Variants in CDH7 observed in about 807,000 individuals in gnomAD.
The protein encoded by CDH7 is cadherin-7.
A neutral mutation model predicts 71.8 loss-of-function variants in CDH7; 25 were observed. The observed-to-expected ratio is 0.35, with a 90% CI of 0.25 to 0.49. The LOEUF (loss-of-function observed/expected upper bound fraction) is 0.49. Among genes scored for constraint, CDH7 ranks in the 20% least tolerant of loss-of-function variants. The pLI, the probability that CDH7 is intolerant of heterozygous loss-of-function variation, is 0.99. For synonymous variants in CDH7, 381 were observed against 363.8 expected (o/e 1.05, Z -0.54); for missense variants, 862 against 974.6 (o/e 0.88, Z 1.54).
chr18:65,866,418 A>G (rs2144046450), intron 11 of CDH7: 1 of 150,564 alleles, frequency 6.6e-6, no homozygotes, highest in East Asian at 1.9e-4. Flanking sequence ...CTACATGTTA[A>G]GTTTGTGTTC....
At chr18:65,805,913 TA>T (rs35636765) in intron 2 of CDH7, among the ~76,000 whole-genome samples, 91,708 of 151,178 alleles carry the variant, frequency 0.61, 29,356 homozygotes, top group East Asian at 0.96. Flanking sequence ...TTATTAAAAT[TA>T]AAAAAAAAAT....
At chr18:65,768,933 C>G (rs577192232) in intron 2 of CDH7, among the ~76,000 whole-genome samples, 29 of 151,934 alleles carry the variant, frequency 1.9e-4, no homozygotes, top group African/African-American at 6.8e-4. Flanking sequence ...TTCTTCTTTT[C>G]TCTCTCCTTT....
At position 65,781,767 on chromosome 18, in the gene CDH7, T is replaced by TTTCTTTCCTTCC. The variant is rs1568181229; in HGVS notation, c.210+18718_210+18719insTTTCCTTCCTTC. Among the ~76,000 whole-genome samples the TTTCTTTCCTTCC allele has an allele frequency of 8.5e-3, 643 of 75,268 alleles. 15 individuals carry two copies. Among genetic ancestry groups the TTTCTTTCCTTCC allele is most frequent in the Non-Finnish European group, 0.012 (445 of 38,242 alleles). The allele number at this position is 75,268 out of a possible 152,430, so 49.4% of individuals were successfully genotyped here. A position where few individuals can be genotyped will look rare whatever the true frequency, so the allele number is the denominator to read the frequency against. On this transcript the variant is annotated intron_variant, in intron 2 of 11. Transcript: ENST00000397968. ...ATTGGTTGATTTCTTTCTTTCTTTC[T>TTTCTTTCCTTCC]TTCCTTCCTTCCTTCCTTCCTTCCT...
chr18:65,807,645 G>A (rs1911373067), intron 2 of CDH7, among the ~76,000 whole-genome samples: 1 of 152,242 alleles, frequency 6.6e-6, no homozygotes, highest in Admixed American at 6.5e-5. Context: ...GCAGCACTGA[G>A]CGTTAAGCGG....
At chr18:65,834,234 A>C (rs532012068) in intron 6 of CDH7, among the ~76,000 whole-genome samples, 7 of 152,272 alleles carry the variant, frequency 4.6e-5, no homozygotes, top group Admixed American at 1.3e-4. Context: ...TTGAGAATGG[A>C]ATGGAGATGT....
intron 6 of CDH7, 25 bp downstream of exon 6, chr18:65,824,856 T>C (rs764162494): frequency 1.3e-6 from 2 of 1,501,338 alleles, no homozygotes; most frequent in South Asian, 2.5e-5. Flanking sequence ...ATTTATCTTT[T>C]ATCACAGATT....
At chr18:65,857,664 T>G in intron 7 of CDH7, 152 bp from the exon 8 acceptor site, 9 of 692,500 alleles carry the variant, frequency 1.3e-5, no homozygotes, top group East Asian at 2.8e-5. Context: ...GTGGGGAGAG[T>G]TTTAAACCAG....
chr18:65,789,617 A>G (rs1436199332), intron 2 of CDH7, among the ~76,000 whole-genome samples: 1 of 152,112 alleles, frequency 6.6e-6, no homozygotes, highest in African/African-American at 2.4e-5. Flanking sequence ...AGTCGGTGAG[A>G]GTTTATTCCA....
chr18:65,844,320 C>A (rs1485106014), intron 7 of CDH7, among the ~76,000 whole-genome samples: 1 of 151,636 alleles, frequency 6.6e-6, no homozygotes, highest in Non-Finnish European at 1.5e-5. Context: ...CAAGCCATAG[C>A]TGATGTTTCT....
intron 4 of CDH7, among the ~76,000 whole-genome samples, chr18:65,816,282 C>T (rs780464379): frequency 2.0e-5 from 3 of 151,812 alleles, no homozygotes; most frequent in African/African-American, 4.8e-5. Flanking sequence ...TCTTTGTCCT[C>T]TCTGCTAATT....
intron 1 of CDH7, among the ~76,000 whole-genome samples, chr18:65,754,204 C>T (rs1229722916): frequency 6.6e-6 from 1 of 152,074 alleles, no homozygotes; most frequent in Non-Finnish European, 1.5e-5. Flanking sequence ...TTCATTTCAC[C>T]CATGGCAGAA....
At position 65,882,251 on chromosome 18, in the gene CDH7, A is replaced by C. The variant is rs2144076980; in HGVS notation, c.*1357A>C. On this transcript the variant is annotated 3_prime_UTR_variant, in exon 12 of 12. Transcript: ENST00000397968. ...GGCAATTGCAAGTCATCATGTGTTT[A>C]AGTTTGAGTTGAGCTTGTTAGAGTA... 6.6e-6 allele frequency: 1 copy of C among 152,284 alleles called. No homozygotes were observed. The highest frequency in any genetic ancestry group is 2.4e-5 in the African/African-American group (1 of 41,568). 9.4% of individuals were successfully genotyped at this position (152,284 alleles called of 1,614,324 possible).
At chr18:65,840,642 T>C (rs1912697312) in intron 6 of CDH7, among the ~76,000 whole-genome samples, 1 of 152,140 alleles carries the variant, frequency 6.6e-6, no homozygotes, top group South Asian at 2.1e-4. Context: ...GGAGTTTCAC[T>C]GCACAAGCTC....
intron 5 of CDH7, among the ~76,000 whole-genome samples, chr18:65,823,339 T>A (rs1380084247): frequency 6.6e-6 from 1 of 151,922 alleles, no homozygotes; most frequent in Non-Finnish European, 1.5e-5. Context: ...ACTTTTAGAA[T>A]TAAAAAATGT....
At chr18:65,856,288 T>C (rs1189550441) in intron 7 of CDH7, among the ~76,000 whole-genome samples, 1 of 152,198 alleles carries the variant, frequency 6.6e-6, no homozygotes, top group Non-Finnish European at 1.5e-5. Flanking sequence ...ATTATTATGG[T>C]TTGATGTCAC....
chr18:65,823,083 A>T (rs995927262), intron 5 of CDH7, among the ~76,000 whole-genome samples: 11 of 152,046 alleles, frequency 7.2e-5, no homozygotes, highest in African/African-American at 2.6e-4. Flanking sequence ...TACCAACAGA[A>T]TTTAGAAGTG....
intron 11 of CDH7, among the ~76,000 whole-genome samples, chr18:65,877,163 T>C (rs1914096294): frequency 6.6e-6 from 1 of 152,190 alleles, no homozygotes; most frequent in Non-Finnish European, 1.5e-5. Flanking sequence ...ATCATTCAAA[T>C]GTTAAAATTA....
chr18:65,837,342 G>A (rs1912565971), intron 6 of CDH7, among the ~76,000 whole-genome samples: 1 of 152,184 alleles, frequency 6.6e-6, no homozygotes, highest in Non-Finnish European at 1.5e-5. Context: ...AGGATGGAGG[G>A]TGGGGATCAT....
rs1233074930 is a variant in CDH7 at position 65,887,832 on chromosome 18, G to A, written c.*6938G>A. On this transcript the variant is annotated 3_prime_UTR_variant, in exon 12 of 12. Transcript: ENST00000397968. ...TTCAGAATTTTTTTTCTCAAATTTA[G>A]AGGAACGAACAATTCACATTAGTAA... is the stretch of plus-strand genomic sequence containing the variant. 1 of 151,986 alleles carries A rather than the reference G, an allele frequency of 6.6e-6. No homozygotes were observed. Among genetic ancestry groups the A allele is most frequent in the Admixed American group, 6.6e-5 (1 of 15,260 alleles). The allele number at this position is 151,986 out of a possible 1,614,324, so 9.4% of individuals were successfully genotyped here.
Sources: gnomAD v4.1 joint callset for allele counts (sites outside exome capture counted in the v4.1 genomes callset) on GRCh38, gnomAD v4.1.1 for gene constraint, MANE v1.5 for transcripts, NCBI Gene and HGNC (gene_info 2026-07-23, HGNC 2026-07-21) for gene names.